The following YWHAG variants were observed in gnomAD, a reference collection of about 807,000 sequenced individuals.
YWHAG encodes 14-3-3 protein gamma.
A neutral mutation model predicts 23.3 loss-of-function variants in YWHAG; 1 was observed. That is an observed-to-expected ratio of 0.04 (90% CI 0.02 to 0.20). The LOEUF is 0.20. Among genes scored for constraint, YWHAG ranks in the 10% least tolerant of loss-of-function variants. The pLI is 1.00. For synonymous variants in YWHAG, 160 were observed against 144.0 expected (o/e 1.11, Z -0.80); for missense variants, 151 against 338.6 (o/e 0.45, Z 4.35).
rs546760849 is a variant in YWHAG at position 76,337,580 on chromosome 7, G to C, written c.88-7347C>G. Reference sequence around the variant, plus strand: ...GATGTAGTCTCCCTCTGCCACCCAGGCTGGAGTGCAGTGGTGTGATCTCGG... The same window carrying C: ...GATGTAGTCTCCCTCTGCCACCCAGCCTGGAGTGCAGTGGTGTGATCTCGG... On this transcript the variant is annotated intron_variant, in intron 1 of 1. Coordinates refer to ENST00000307630, the MANE Select transcript of YWHAG (RefSeq NM_012479.4). 2.8e-3 allele frequency among the ~76,000 whole-genome samples: 430 copies of C among 151,110 alleles called. 2 individuals are homozygous for C. Among genetic ancestry groups the C allele is most frequent in the African/African-American group, 1.0e-2 (409 of 41,076 alleles).
chr7:76,342,097 G>A (rs1380087517), intron 1 of YWHAG, among the ~76,000 whole-genome samples: 1 of 151,984 alleles, frequency 6.6e-6, no homozygotes, highest in African/African-American at 2.4e-5. Flanking sequence ...TCCTCCTCTT[G>A]TGACCTCCTA....
At position 76,329,348 on chromosome 7, in the gene YWHAG, G is replaced by T. The variant is rs1380368164; in HGVS notation, c.*229C>A. On this transcript the variant is annotated 3_prime_UTR_variant, in exon 2 of 2. Coordinates refer to ENST00000307630, the MANE Select transcript of YWHAG (RefSeq NM_012479.4). The surrounding 1 kb of genome is among the most constrained non-coding windows in gnomAD (Gnocchi z 6.1). ...TTGCATGAATCTACAGAACAGTCCA[G>T]ACGCCAGTGTGAGGCTGCTATTCCA... is the stretch of plus-strand genomic sequence containing the variant. 2 of 575,644 alleles carry T rather than the reference G, an allele frequency of 3.5e-6. No individual in the cohort carries two copies. The highest frequency in any genetic ancestry group is 6.1e-6 in the Non-Finnish European group (2 of 327,104). 35.7% of individuals were successfully genotyped at this position (575,644 alleles called of 1,614,324 possible). A position where few individuals can be genotyped will look rare whatever the true frequency, so the allele number is the denominator to read the frequency against.
At chr7:76,332,090 C>T (rs917553476) in intron 1 of YWHAG, among the ~76,000 whole-genome samples, 5 of 152,170 alleles carry the variant, frequency 3.3e-5, no homozygotes, top group African/African-American at 1.2e-4. Context: ...TACTGATGCT[C>T]TGTTTTAATG....
chr7:76,341,849 T>C (rs1803698487), intron 1 of YWHAG, among the ~76,000 whole-genome samples: 1 of 152,148 alleles, frequency 6.6e-6, no homozygotes, highest in Non-Finnish European at 1.5e-5. Flanking sequence ...AACCATTAAA[T>C]TGCACACTTT....
intron 1 of YWHAG, among the ~76,000 whole-genome samples, chr7:76,354,640 T>C (rs931474762): frequency 6.6e-6 from 1 of 152,222 alleles, no homozygotes; most frequent in African/African-American, 2.4e-5. Flanking sequence ...CACAATGTAC[T>C]GAATGTCTTG....
chr7:76,356,593 C>G (rs1219514684), intron 1 of YWHAG, among the ~76,000 whole-genome samples: 4 of 152,200 alleles, frequency 2.6e-5, no homozygotes, highest in Non-Finnish European at 5.9e-5. Context: ...TACATCCCAT[C>G]TGTGCACTAG....
chr7:76,331,286 G>GGGGGAGGAGA (rs1803537578), intron 1 of YWHAG, among the ~76,000 whole-genome samples: 1 of 150,188 alleles, frequency 6.7e-6, no homozygotes, highest in African/African-American at 2.5e-5. Flanking sequence ...GCTGGGGATG[G>GGGGGAGGAGA]GGAGAGGAGA....
At chr7:76,353,288 C>T (rs1404766339) in intron 1 of YWHAG, among the ~76,000 whole-genome samples, 4 of 152,112 alleles carry the variant, frequency 2.6e-5, no homozygotes, top group African/African-American at 9.7e-5. Flanking sequence ...TCTCAACTCC[C>T]TGCAACCTCC....
At chr7:76,337,972 T>C (rs950381919) in intron 1 of YWHAG, among the ~76,000 whole-genome samples, 4 of 152,050 alleles carry the variant, frequency 2.6e-5, no homozygotes, top group African/African-American at 9.7e-5. Flanking sequence ...TCCAGAAAAC[T>C]TGATACATGT....
At chr7:76,339,478 C>T (rs1803660664) in intron 1 of YWHAG, among the ~76,000 whole-genome samples, 1 of 151,960 alleles carries the variant, frequency 6.6e-6, no homozygotes, top group Admixed American at 6.6e-5. Context: ...TCAAAAAATA[C>T]ATATAAAAAT....
rs921555508 is a variant in YWHAG, at chr7:76,329,952, G to A, written c.369C>T (p.Tyr123=). 2 of 1,614,074 alleles carry A rather than the reference G, an allele frequency of 1.2e-6. No individual in the cohort carries two copies. Among genetic ancestry groups the A allele is most frequent in the Admixed American group, 1.7e-5 (1 of 60,008 alleles). ...SETQYESKVF[Y]LKMKGDYYRY... ...GGTAGTAGTCCCCTTTCATCTTCAG[G>A]TAGAACACTTTGCTCTCGTACTGGG... Residue 123 remains tyrosine, a synonymous_variant, in exon 2 of 2, where the codon TAC becomes TAT. Transcript: ENST00000307630. This position sits in a 1 kb window ranked among gnomAD's most constrained non-coding sequence, Gnocchi z 6.1.
chr7:76,345,656 A>T (rs912106338), intron 1 of YWHAG, among the ~76,000 whole-genome samples: 1 of 151,938 alleles, frequency 6.6e-6, no homozygotes. Context: ...GATTTAAAAA[A>T]ATGAGGCCTG....
At chr7:76,344,958 C>T (rs1372592435) in intron 1 of YWHAG, among the ~76,000 whole-genome samples, 2 of 152,160 alleles carry the variant, frequency 1.3e-5, no homozygotes, top group African/African-American at 2.4e-5. Flanking sequence ...TTTCTGCAGG[C>T]ATATCACTGT....
chr7:76,358,011 T>G (rs1008183539), intron 1 of YWHAG, among the ~76,000 whole-genome samples: 7 of 152,168 alleles, frequency 4.6e-5, no homozygotes, highest in African/African-American at 1.7e-4. Context: ...GGAGATGACA[T>G]GTTGAGAATG....
At chr7:76,330,311 C>T (rs1471064195) in intron 1 of YWHAG, 78 bp from the exon 2 acceptor site, 1 of 1,440,150 alleles carries the variant, frequency 6.9e-7, no homozygotes, top group East Asian at 2.3e-5. Context: ...GACACTAGAA[C>T]AGAGCTCTGT....
At chr7:76,344,254 G>A (rs1008277778) in intron 1 of YWHAG, among the ~76,000 whole-genome samples, 1 of 152,126 alleles carries the variant, frequency 6.6e-6, no homozygotes, top group Non-Finnish European at 1.5e-5. Flanking sequence ...GGGACCACAG[G>A]TGCATGCCAC....
intron 1 of YWHAG, among the ~76,000 whole-genome samples, chr7:76,353,172 T>C (rs909354511): frequency 6.6e-6 from 1 of 152,314 alleles, no homozygotes; most frequent in Non-Finnish European, 1.5e-5. Context: ...AAACCAATTA[T>C]TTATAACTAT....
intron 1 of YWHAG, among the ~76,000 whole-genome samples, chr7:76,330,734 T>A (rs1803530572): frequency 6.6e-6 from 1 of 152,170 alleles, no homozygotes. Flanking sequence ...GGAGTCCAAA[T>A]AAGGGGCATA....
chr7:76,333,519 G>C (rs1187697615), intron 1 of YWHAG, among the ~76,000 whole-genome samples: 2 of 152,188 alleles, frequency 1.3e-5, no homozygotes, highest in Non-Finnish European at 2.9e-5. Context: ...ATTTCCTAAC[G>C]ATCTCCCAGC....
Sources: allele counts gnomAD v4.1 joint callset (sites outside exome capture counted in the v4.1 genomes callset), GRCh38; gene constraint gnomAD v4.1.1; non-coding constraint Gnocchi (gnomAD v3.1); transcripts MANE v1.5; gene names NCBI Gene and HGNC (gene_info 2026-07-23, HGNC 2026-07-21).